Variants in AGBL1 observed in about 807,000 individuals in gnomAD.
AGBL1 encodes cytosolic carboxypeptidase 4.
In AGBL1, 130 loss-of-function variants were observed where a neutral mutation model predicts 118.9. The ratio of observed to expected loss-of-function variants is 1.09; its 90% CI spans 0.95 to 1.26. The LOEUF (loss-of-function observed/expected upper bound fraction) is 1.26, where lower values mean the gene tolerates loss of function less well. AGBL1 is among the 50% of genes most tolerant of loss of function. The pLI is 0.00. For missense variants in AGBL1, 1,584 were observed against 1,298.1 expected (o/e 1.22, Z -3.38); for synonymous variants, 555 against 478.9 (o/e 1.16, Z -2.08).
At chr15:86,706,996 T>G (rs990233910) in intron 22 of AGBL1, among the ~76,000 whole-genome samples, 3 of 152,090 alleles carry the variant, frequency 2.0e-5, no homozygotes, top group Non-Finnish European at 4.4e-5. Flanking sequence ...AGAGATGGAC[T>G]TTGCATTTAC....
At position 86,601,062 on chromosome 15, in the gene AGBL1, A is replaced by C. The variant is rs371762872; in HGVS notation, c.2994+46525A>C. Among the ~76,000 whole-genome samples the C allele has an allele frequency of 9.2e-5, 14 of 152,286 alleles. No individual in the cohort carries two copies. In the East Asian group the frequency reaches 2.1e-3, roughly 23 times the overall value. On this transcript the variant is annotated intron_variant, in intron 21 of 22. Transcript: ENST00000614907. Reference sequence around the variant, plus strand: ...TTAAAATACCCTAGGATTGGTGGTAACTGCAACCATTCCATTTCATCTTAT... The same window carrying C: ...TTAAAATACCCTAGGATTGGTGGTACCTGCAACCATTCCATTTCATCTTAT...
intron 5 of AGBL1, among the ~76,000 whole-genome samples, chr15:86,190,607 C>T (rs1341252905): frequency 2.0e-5 from 3 of 152,202 alleles, no homozygotes; most frequent in Non-Finnish European, 4.4e-5. Flanking sequence ...CCCTCCTCCT[C>T]TTCCTATAGA....
At chr15:86,767,567 G>A (rs993137433) in intron 22 of AGBL1, among the ~76,000 whole-genome samples, 9 of 151,904 alleles carry the variant, frequency 5.9e-5, no homozygotes, top group African/African-American at 1.9e-4. Flanking sequence ...TGAACTGAAG[G>A]AAATAATATA....
rs377285295 is a variant in AGBL1, at chr15:86,118,292, T to A, written c.52-23712T>A. 2.6e-5 allele frequency among the ~76,000 whole-genome samples: 4 copies of A among 152,144 alleles called. No individual in the cohort carries two copies. In the East Asian group the frequency reaches 5.8e-4, roughly 22 times the overall value. ...AAAGGCTGGCAGAGGAGAATGAGAATAAAATTATTAAAAGTCCAAATTGGC... is the reference window on the plus strand; with the variant it reads ...AAAGGCTGGCAGAGGAGAATGAGAAAAAAATTATTAAAAGTCCAAATTGGC... On this transcript the variant is annotated intron_variant, in intron 1 of 22. Coordinates refer to ENST00000614907, the MANE Select transcript of AGBL1 (RefSeq NM_001386094.1).
chr15:86,751,392 G>A (rs963519301), intron 22 of AGBL1, among the ~76,000 whole-genome samples: 1 of 152,012 alleles, frequency 6.6e-6, no homozygotes, highest in Non-Finnish European at 1.5e-5. Flanking sequence ...ACAGATTAAA[G>A]ACTTAAACAT....
chr15:86,202,938 G>A (rs2077930923), intron 5 of AGBL1, among the ~76,000 whole-genome samples: 1 of 152,082 alleles, frequency 6.6e-6, no homozygotes, highest in Non-Finnish European at 1.5e-5. Flanking sequence ...TCACCATAAG[G>A]ACAGGCACAG....
intron 5 of AGBL1, among the ~76,000 whole-genome samples, chr15:86,224,112 A>G (rs986244190): frequency 6.6e-6 from 1 of 152,126 alleles, no homozygotes; most frequent in Admixed American, 6.5e-5. Context: ...CTTAGGGATA[A>G]GTTACTAGGG....
intron 21 of AGBL1, among the ~76,000 whole-genome samples, chr15:86,573,820 C>G (rs985424126): frequency 2.9e-4 from 44 of 152,180 alleles, no homozygotes; most frequent in Non-Finnish European, 4.3e-4. Context: ...TCAAACTCCT[C>G]AGACTGATAA....
At chr15:86,365,637 A>G (rs2080875198) in intron 17 of AGBL1, among the ~76,000 whole-genome samples, 1 of 151,940 alleles carries the variant, frequency 6.6e-6, no homozygotes, top group South Asian at 2.1e-4. Context: ...AATTATTCAT[A>G]TTTCTTATTT....
chr15:86,438,445 G>A (rs1375766185), intron 18 of AGBL1, among the ~76,000 whole-genome samples: 1 of 152,044 alleles, frequency 6.6e-6, no homozygotes, highest in African/African-American at 2.4e-5. Context: ...CGCTTTATCA[G>A]AAATGACCTC....
At chr15:86,172,498 C>T (rs2077429688) in intron 5 of AGBL1, among the ~76,000 whole-genome samples, 2 of 152,286 alleles carry the variant, frequency 1.3e-5, no homozygotes, top group South Asian at 4.1e-4. Context: ...ACCGATTTCT[C>T]TTCTCCCTTC....
chr15:86,645,226 A>G (rs924226186), intron 21 of AGBL1, among the ~76,000 whole-genome samples: 22 of 152,208 alleles, frequency 1.4e-4, no homozygotes, highest in Admixed American at 1.4e-3. Context: ...CAAATGTTTT[A>G]GGATCTGTAA....
At chr15:86,997,116 T>C (rs1166017459) in intron 24 of AGBL1, among the ~76,000 whole-genome samples, 2 of 152,300 alleles carry the variant, frequency 1.3e-5, no homozygotes, top group Admixed American at 6.5e-5. Context: ...CATCTATGAA[T>C]AAACCTAGTC....
intron 18 of AGBL1, among the ~76,000 whole-genome samples, chr15:86,516,360 G>A (rs769113322): frequency 8.5e-5 from 13 of 152,190 alleles, no homozygotes; most frequent in Non-Finnish European, 1.8e-4. Context: ...CTTTAGCTTA[G>A]TGATCTTGAG....
chr15:86,705,291 C>T (rs1357629792), intron 22 of AGBL1, among the ~76,000 whole-genome samples: 1 of 152,112 alleles, frequency 6.6e-6, no homozygotes, highest in Non-Finnish European at 1.5e-5. Context: ...TATCCCAGAA[C>T]TGAAACAAAA....
chr15:86,705,589 C>T (rs949969646), intron 22 of AGBL1, among the ~76,000 whole-genome samples: 2 of 152,156 alleles, frequency 1.3e-5, no homozygotes, highest in Admixed American at 6.5e-5. Flanking sequence ...CGCTTCATTC[C>T]TCAATTGAGA....
At chr15:86,961,864 G>A (rs989972397) in intron 23 of AGBL1, among the ~76,000 whole-genome samples, 6 of 152,032 alleles carry the variant, frequency 3.9e-5, no homozygotes, top group Admixed American at 6.6e-5. Flanking sequence ...CATCACCTAG[G>A]ATAATCTTGA....
intron 14 of AGBL1, among the ~76,000 whole-genome samples, chr15:86,270,317 CT>C (rs1431353573): frequency 6.6e-6 from 1 of 152,174 alleles, no homozygotes; most frequent in East Asian, 1.9e-4. Flanking sequence ...CTACCTTGAA[CT>C]TTTTGAGGTT....
At chr15:86,346,522 G>A (rs908639046) in intron 17 of AGBL1, among the ~76,000 whole-genome samples, 6 of 150,908 alleles carry the variant, frequency 4.0e-5, no homozygotes, top group African/African-American at 1.5e-4. Flanking sequence ...AATATTTTTT[G>A]TGTTTTTTAG....
Sources: allele counts gnomAD v4.1 joint callset (sites outside exome capture counted in the v4.1 genomes callset), GRCh38; gene constraint gnomAD v4.1.1; transcripts MANE v1.5; gene names NCBI Gene and HGNC (gene_info 2026-07-23, HGNC 2026-07-21).